CCDC81: variants seen among roughly 807,000 people sequenced by gnomAD.
CCDC81 encodes coiled-coil domain containing 81.
CCDC81 carries 79 observed loss-of-function variants against 83.7 expected under a neutral mutation model. The observed-to-expected ratio is 0.94, with a 90% CI of 0.79 to 1.14. The LOEUF is 1.14. Among genes scored for constraint, CCDC81 ranks in the 50% most tolerant of loss-of-function variants. The pLI, the probability that CCDC81 is intolerant of heterozygous loss-of-function variation, is 0.00. For missense variants in CCDC81, 791 were observed against 778.1 expected (o/e 1.02, Z -0.20); for synonymous variants, 252 against 278.1 (o/e 0.91, Z 0.93).
intron 1 of CCDC81, among the ~76,000 whole-genome samples, chr11:86,382,907 C>T (rs370578061): frequency 2.0e-5 from 3 of 152,104 alleles, no homozygotes; most frequent in African/African-American, 4.8e-5. Flanking sequence ...GAATTAAATA[C>T]GTTTATTGAA....
At chr11:86,422,517 T>G (rs930372187) in intron 14 of CCDC81, 57 bp from the exon 15 acceptor site, 10 of 1,555,892 alleles carry the variant, frequency 6.4e-6, no homozygotes, top group Non-Finnish European at 8.8e-6. Flanking sequence ...AGCTTCCAAG[T>G]TGGGCCTCCA....
In CCDC81 at chr11:86,415,092, G is replaced by A. The variant is rs1353893688; in HGVS notation, c.1471-1G>A. ...CTGCATTATGTGTATCTCTGTTTAA[G>A]ATAAAGAACAAACCCTCTCGGCTGC... On this transcript the variant is annotated splice_acceptor_variant, in intron 12 of 14. Coordinates refer to ENST00000445632, the MANE Select transcript of CCDC81 (RefSeq NM_001156474.2). LOFTEE classifies it high-confidence loss of function. 6.2e-7 allele frequency: 1 copy of A among 1,614,032 alleles called. No individual in the cohort carries two copies. Among genetic ancestry groups the A allele is most frequent in the Admixed American group, 1.7e-5 (1 of 60,008 alleles).
chr11:86,378,024 G>T (rs1948122801), intron 1 of CCDC81, among the ~76,000 whole-genome samples: 1 of 80,438 alleles, frequency 1.2e-5, no homozygotes. Context: ...AGCAATGTTT[G>T]TTTAAAAGAC....
At position 86,374,957 on chromosome 11, in the gene CCDC81, G is replaced by C. The variant is rs369308116; in HGVS notation, c.-207G>C. On this transcript the variant is annotated 5_prime_UTR_variant, in exon 1 of 15. Coordinates refer to ENST00000445632, the MANE Select transcript of CCDC81 (RefSeq NM_001156474.2). ...GCCCGAGAGCCAGAGCAGTGGGGAG[G>C]GACGGCGAGAACCAATGTTTAAGTT... 1 of 548,040 alleles carries C rather than the reference G, an allele frequency of 1.8e-6. No homozygotes were observed. Among genetic ancestry groups the C allele is most frequent in the African/African-American group, 1.9e-5 (1 of 52,706 alleles). The allele number at this position is 548,040 out of a possible 1,614,324, so 33.9% of individuals were successfully genotyped here.
chr11:86,380,354 C>T (rs972143967), intron 1 of CCDC81, among the ~76,000 whole-genome samples: 3 of 152,082 alleles, frequency 2.0e-5, no homozygotes, highest in African/African-American at 7.2e-5. Flanking sequence ...GTTCCTTTCC[C>T]TCTCTCTGCC....
chr11:86,403,013 ATTTTTTTTT>A (rs545083032), intron 7 of CCDC81, among the ~76,000 whole-genome samples: 2 of 112,490 alleles, frequency 1.8e-5, no homozygotes, highest in Admixed American at 1.0e-4. Flanking sequence ...TAATTTTTTG[ATTTTTTTTT>A]TTTTTTTTTT....
intron 1 of CCDC81, among the ~76,000 whole-genome samples, chr11:86,379,103 T>A (rs866999513): frequency 1.9e-5 from 2 of 103,442 alleles, no homozygotes; most frequent in Non-Finnish European, 3.7e-5. Context: ...TCAGTTATAC[T>A]TTTTTTTTTT....
chr11:86,417,866 GC>G (rs1419100906), intron 13 of CCDC81, among the ~76,000 whole-genome samples: 2 of 151,814 alleles, frequency 1.3e-5, no homozygotes, highest in Non-Finnish European at 2.9e-5. Context: ...TCATGCCTCA[GC>G]CTCATGAGTA....
intron 4 of CCDC81, among the ~76,000 whole-genome samples, chr11:86,393,529 C>T (rs1948364604): frequency 1.3e-5 from 2 of 152,178 alleles, no homozygotes; most frequent in South Asian, 4.1e-4. Context: ...CCCAGACTTC[C>T]TAACCACTTG....
At chr11:86,387,726 A>G (rs1948264492) in intron 3 of CCDC81, 54 bp downstream of exon 3, 2 of 1,306,556 alleles carry the variant, frequency 1.5e-6, no homozygotes, top group Non-Finnish European at 2.1e-6. Context: ...CCTGGGGATA[A>G]AAAATGAAAG....
Position 86,414,849 on chromosome 11 carries a change from G to C in CCDC81, c.1452G>C (p.Lys484Asn). 6.2e-7 allele frequency: 1 copy of C among 1,610,074 alleles called. No individual in the cohort carries two copies. The highest frequency in any genetic ancestry group is 8.5e-7 in the Non-Finnish European group (1 of 1,179,116). The change falls in exon 12 of 15, where the codon AAG becomes AAC. Residue 484 changes from lysine (K) to asparagine (N), a missense_variant. By Grantham distance (94) the Lys-to-Asn change is moderately conservative. Coordinates refer to ENST00000445632, the MANE Select transcript of CCDC81 (RefSeq NM_001156474.2). ...AGATGGAAGAAACACAGTGTTACAA[G>C]AGAGCTTTGGATGCACAGGTAAGGG... ...KDKMEETQCY[K>N]RALDAQIKNK...
chr11:86,379,023 C>T (rs1485028841), intron 1 of CCDC81, among the ~76,000 whole-genome samples: 1 of 151,730 alleles, frequency 6.6e-6, no homozygotes, highest in Non-Finnish European at 1.5e-5. Flanking sequence ...ACTTTTTGCC[C>T]TTGTTTTTTG....
At chr11:86,420,837 A>C (rs1480272773) in intron 14 of CCDC81, among the ~76,000 whole-genome samples, 1 of 152,186 alleles carries the variant, frequency 6.6e-6, no homozygotes, top group Admixed American at 6.5e-5. Context: ...ATGAGTGATG[A>C]CGTGGAAAAT....
chr11:86,386,279 T>C (rs956831418), intron 2 of CCDC81, among the ~76,000 whole-genome samples, 167 bp downstream of exon 2: 1 of 152,180 alleles, frequency 6.6e-6, no homozygotes, highest in African/African-American at 2.4e-5. Flanking sequence ...TTGATGCTCA[T>C]GTTCGGACTT....
intron 13 of CCDC81, 97 bp from the exon 14 acceptor site, chr11:86,419,831 G>A (rs969784464): frequency 5.4e-5 from 72 of 1,338,708 alleles, no homozygotes; most frequent in South Asian, 6.9e-5. Flanking sequence ...AACAAAACCA[G>A]AAGGTTTTTT....
intron 7 of CCDC81, among the ~76,000 whole-genome samples, chr11:86,401,845 C>T (rs1948492779): frequency 6.6e-6 from 1 of 152,024 alleles, no homozygotes; most frequent in Non-Finnish European, 1.5e-5. Context: ...TAGAAGTTAA[C>T]CAAAAAATAG....
At chr11:86,411,591 T>G (rs564173156) in intron 10 of CCDC81, among the ~76,000 whole-genome samples, 1 of 152,322 alleles carries the variant, frequency 6.6e-6, no homozygotes, top group South Asian at 2.1e-4. Context: ...GTATTCAGTT[T>G]GCCCTCCTTT....
intron 13 of CCDC81, among the ~76,000 whole-genome samples, chr11:86,417,750 T>A (rs1948740945): frequency 6.6e-6 from 1 of 151,990 alleles, no homozygotes. Context: ...ATTTTCCTTT[T>A]TTTTTTTGTT....
chr11:86,395,282 T>G (rs369807010), intron 4 of CCDC81, 52 bp from the exon 5 acceptor site: 24 of 1,451,116 alleles, frequency 1.7e-5, no homozygotes, highest in Middle Eastern at 1.8e-4. Context: ...TTAATTTGTC[T>G]GAGTCCTGGA....
Sources: gnomAD v4.1 joint callset for allele counts (sites outside exome capture counted in the v4.1 genomes callset) on GRCh38, gnomAD v4.1.1 for gene constraint, MANE v1.5 for transcripts, NCBI Gene and HGNC (gene_info 2026-07-23, HGNC 2026-07-21) for gene names.